MXRA7: variants seen among roughly 807,000 people sequenced by gnomAD.
The protein encoded by MXRA7 is matrix remodeling associated 7, also known as matrix-remodeling-associated protein 7.
A neutral mutation model predicts 17.4 loss-of-function variants in MXRA7; 18 were observed. The observed-to-expected ratio is 1.03, with a 90% CI of 0.71 to 1.53. The LOEUF is 1.53. MXRA7 is among the 40% of genes most tolerant of loss of function. MXRA7 has a pLI of 0.00. For missense variants in MXRA7, 141 were observed against 209.3 expected (o/e 0.67, Z 2.01); for synonymous variants, 70 against 101.7 (o/e 0.69, Z 1.87).
chr17:76,680,212 C>T lies in MXRA7; in HGVS notation c.*655G>A. 1 of 943,144 alleles carries T rather than the reference C, an allele frequency of 1.1e-6. No individual in the cohort carries two copies. The highest frequency in any genetic ancestry group is 1.3e-6 in the Non-Finnish European group (1 of 792,666). The allele number at this position is 943,144 out of a possible 1,614,324, so 58.4% of individuals were successfully genotyped here. ...GGTAAGAACCTCAGTGAAAAGGTGT[C>T]TTAGCAATGAAAGGGCTGAATCCGA... On this transcript the variant is annotated 3_prime_UTR_variant, in exon 4 of 4. Transcript: ENST00000449428.
At chr17:76,694,057 C>T (rs950810467) in intron 1 of MXRA7, among the ~76,000 whole-genome samples, 12 of 152,202 alleles carry the variant, frequency 7.9e-5, no homozygotes, top group Admixed American at 2.6e-4. Flanking sequence ...CCAGTTGGGG[C>T]GGTCAAACCC....
At chr17:76,709,998 G>C (rs1231745885) in intron 1 of MXRA7, 1 of 152,812 alleles carries the variant, frequency 6.5e-6, no homozygotes, top group African/African-American at 2.4e-5. Context: ...GAGGGTGTTA[G>C]ATGTGTAGCT....
rs2076274161 is a variant in MXRA7, at chr17:76,679,705, G to A, written c.*1162C>T. 1.6e-6 allele frequency: 1 copy of A among 620,438 alleles called. No homozygotes were observed. Among genetic ancestry groups the A allele is most frequent in the Non-Finnish European group, 2.0e-6 (1 of 493,816 alleles). 38.4% of individuals were successfully genotyped at this position (620,438 alleles called of 1,614,324 possible). ...CAGACAAACCTAGATAGCTCTACTA[G>A]GAGGGAGTCAACGACCTATTGTGTC... is the stretch of plus-strand genomic sequence containing the variant. On this transcript the variant is annotated 3_prime_UTR_variant, in exon 4 of 4. Transcript: ENST00000449428.
At chr17:76,699,626 A>G (rs2076570702) in intron 1 of MXRA7, among the ~76,000 whole-genome samples, 1 of 152,106 alleles carries the variant, frequency 6.6e-6, no homozygotes, top group Non-Finnish European at 1.5e-5. Flanking sequence ...TCGATGGCTA[A>G]GAACCGAGGG....
chr17:76,682,727 T>TG (rs1480173778), intron 3 of MXRA7, among the ~76,000 whole-genome samples: 1 of 151,978 alleles, frequency 6.6e-6, no homozygotes, highest in Non-Finnish European at 1.5e-5. Context: ...ACAGGGAGCA[T>TG]GCGGGCTGGG....
At chr17:76,688,201 G>A in intron 1 of MXRA7, 25 bp from the exon 2 acceptor site, 1 of 1,613,974 alleles carries the variant, frequency 6.2e-7, no homozygotes, top group Non-Finnish European at 8.5e-7. Context: ...CAGGGTCAGT[G>A]CCCTTGGCAC....
Position 76,692,635 on chromosome 17 carries a change from T to TAAA in MXRA7, c.343-4462_343-4460dup, listed in dbSNP as rs35115981. On this transcript the variant is annotated intron_variant, in intron 1 of 3. Coordinates refer to ENST00000449428, the MANE Select transcript of MXRA7 (RefSeq NM_198530.4). ...AATGAGAAGGCCTTACTAGTATTGT[T>TAAA]AAAAAAAAAAAAAAATGGGCGACCA... Among the ~76,000 whole-genome samples, 478 of 142,724 alleles carry TAAA rather than the reference T, an allele frequency of 3.3e-3. 4 individuals carry two copies. Among genetic ancestry groups the TAAA allele is most frequent in the African/African-American group, 0.012 (449 of 38,308 alleles). The allele number at this position is 142,724 out of a possible 152,430, so 93.6% of individuals were successfully genotyped here.
downstream of MXRA7, chr17:76,676,283 C>T (rs1016369974): frequency 1.1e-4 from 16 of 152,226 alleles, no homozygotes; most frequent in African/African-American, 3.9e-4. Context: ...TTTATTTCTT[C>T]TGTCTACAGC....
rs188471269 is a variant in MXRA7, at chr17:76,685,532, C to T, written c.407-367G>A. 5.1e-3 allele frequency among the ~76,000 whole-genome samples: 775 copies of T among 152,328 alleles called. 9 individuals are homozygous for T. The highest frequency in any genetic ancestry group is 0.017 in the African/African-American group (724 of 41,566). On this transcript the variant is annotated intron_variant, in intron 2 of 3. Coordinates refer to ENST00000449428, the MANE Select transcript of MXRA7 (RefSeq NM_198530.4). ...ACAGCTCATCTTGGGACACACACCA[C>T]GCCTGCCTGGGCTTGGGGAGGCTTG...
At chr17:76,684,044 C>G (rs1205935857) in intron 3 of MXRA7, 3 of 832,808 alleles carry the variant, frequency 3.6e-6, no homozygotes, top group Non-Finnish European at 4.2e-6. Context: ...GCCCGCCCCC[C>G]ACCCACCCAG....
intron 2 of MXRA7, among the ~76,000 whole-genome samples, chr17:76,687,175 A>G (rs2076408529): frequency 2.0e-5 from 3 of 152,196 alleles, no homozygotes; most frequent in Admixed American, 6.5e-5. Flanking sequence ...CCTTCCTGGT[A>G]AGGGACTAAT....
chr17:76,693,773 C>T (rs111307832), intron 1 of MXRA7, among the ~76,000 whole-genome samples: 7,428 of 150,796 alleles, frequency 0.049, 272 homozygotes, highest in Non-Finnish European at 0.073. Flanking sequence ...CCCAGGAGGT[C>T]AAGGCTGCAG....
intron 1 of MXRA7, among the ~76,000 whole-genome samples, chr17:76,708,805 C>T (rs2076689366): frequency 6.6e-6 from 1 of 152,122 alleles, no homozygotes; most frequent in Non-Finnish European, 1.5e-5. Flanking sequence ...AGGGCACTGA[C>T]TTCAATTGAA....
chr17:76,705,509 C>T (rs7210577), intron 1 of MXRA7, among the ~76,000 whole-genome samples: 66,316 of 152,028 alleles, frequency 0.44, 14,663 homozygotes, highest in Non-Finnish European at 0.46. Flanking sequence ...GTCACTGGGC[C>T]TGTTCTGGAC....
At chr17:76,687,770 C>G (rs961164172) in intron 2 of MXRA7, among the ~76,000 whole-genome samples, 2 of 152,200 alleles carry the variant, frequency 1.3e-5, no homozygotes, top group African/African-American at 4.8e-5. Context: ...TAAAATAGGT[C>G]AGAGATGTTT....
chr17:76,684,675 G>T (rs529712270), intron 3 of MXRA7: 1 of 446,514 alleles, frequency 2.2e-6, no homozygotes, highest in Non-Finnish European at 4.4e-6. Context: ...GCTGTGTCCC[G>T]AAGGAGAAAT....
chr17:76,710,957 C>A lies in MXRA7; in HGVS notation c.-11G>T. On this transcript the variant is annotated 5_prime_UTR_variant, in exon 1 of 4. Transcript: ENST00000449428. ...GGCCGGCGCCTCCATCGCGCCGCGGCCGCCGAGTGCGGGCCAGCTGGGACC... is the reference window on the plus strand; with the variant it reads ...GGCCGGCGCCTCCATCGCGCCGCGGACGCCGAGTGCGGGCCAGCTGGGACC... The A allele has an allele frequency of 1.0e-6, 1 of 989,226 alleles. No homozygotes were observed. The highest frequency in any genetic ancestry group is 1.2e-6 in the Non-Finnish European group (1 of 834,752). 61.3% of individuals were successfully genotyped at this position (989,226 alleles called of 1,614,324 possible). A position where few individuals can be genotyped will look rare whatever the true frequency, so the allele number is the denominator to read the frequency against.
In MXRA7 at chr17:76,701,722, G is replaced by T. The variant is rs187440360; in HGVS notation, c.342+8883C>A. Among the ~76,000 whole-genome samples the T allele has an allele frequency of 2.6e-3, 392 of 152,192 alleles. 3 individuals carry two copies. The highest frequency in any genetic ancestry group is 9.2e-3 in the African/African-American group (380 of 41,506). On this transcript the variant is annotated intron_variant, in intron 1 of 3. Transcript: ENST00000449428. ...GGAGAGACAGGATCACTGTTCCTGC[G>T]AGGAGCCGACCCCATCCGGGCCCCA...
chr17:76,692,395 G>A (rs898279314), intron 1 of MXRA7, among the ~76,000 whole-genome samples: 1 of 151,800 alleles, frequency 6.6e-6, no homozygotes, highest in Non-Finnish European at 1.5e-5. Flanking sequence ...CTGGGACTAT[G>A]GGCATGTGCC....
Sources: gnomAD v4.1 joint callset for allele counts (sites outside exome capture counted in the v4.1 genomes callset) on GRCh38, gnomAD v4.1.1 for gene constraint, MANE v1.5 for transcripts, NCBI Gene and HGNC (gene_info 2026-07-23, HGNC 2026-07-21) for gene names.